Variants in LGR4 observed in about 807,000 individuals in gnomAD.
LGR4 encodes leucine rich repeat containing G protein-coupled receptor 4, also known as leucine-rich repeat-containing G protein-coupled receptor 4.
Under a neutral mutation model 84.8 loss-of-function variants are expected in LGR4, and 44 were observed. The ratio of observed to expected loss-of-function variants is 0.52; its 90% CI spans 0.41 to 0.67. The LOEUF (loss-of-function observed/expected upper bound fraction) is 0.67, where lower values mean the gene tolerates loss of function less well. Among genes scored for constraint, LGR4 ranks in the 30% least tolerant of loss-of-function variants. The probability of loss-of-function intolerance (pLI) is 0.00; values close to 1 mark genes in which losing one functional copy is unlikely to be tolerated. For missense variants in LGR4, 1,032 were observed against 1,131.4 expected, an observed-to-expected ratio of 0.91 and a Z score of 1.26; for synonymous variants, 429 against 434.3, an observed-to-expected ratio of 0.99 and a Z score of 0.15.
Position 27,385,239 on chromosome 11 carries a change from G to C in LGR4, c.617+14C>G, listed in dbSNP as rs1199900003. On this transcript the variant is annotated intron_variant, in intron 5 of 17. Transcript: ENST00000379214. ...TAACACAAATATATGGAATTAAAAG[G>C]GATAGATACTTACAGAACTACCAGG... is the stretch of plus-strand genomic sequence containing the variant. 1 of 1,500,618 alleles carries C rather than the reference G, an allele frequency of 6.7e-7. No homozygotes were observed. The highest frequency in any genetic ancestry group is 1.3e-5 in the South Asian group (1 of 76,864). The allele number at this position is 1,500,618 out of a possible 1,614,324, so 93.0% of individuals were successfully genotyped here. A position where few individuals can be genotyped will look rare whatever the true frequency, so the allele number is the denominator to read the frequency against.
intron 1 of LGR4, among the ~76,000 whole-genome samples, chr11:27,428,827 G>A (rs1864068874): frequency 6.6e-6 from 1 of 152,142 alleles, no homozygotes; most frequent in African/African-American, 2.4e-5. Flanking sequence ...GGATCCTCCT[G>A]CTTTGGCCTC....
chr11:27,383,536 T>C (rs1349050075), intron 6 of LGR4, among the ~76,000 whole-genome samples: 3 of 152,288 alleles, frequency 2.0e-5, no homozygotes, highest in African/African-American at 7.2e-5. Flanking sequence ...CTAATTTAGA[T>C]AGAAAAGTGA....
intron 12 of LGR4, 106 bp from the exon 13 acceptor site, chr11:27,376,476 A>G: frequency 1.9e-6 from 1 of 519,410 alleles, no homozygotes; most frequent in South Asian, 3.9e-5. Flanking sequence ...GTTACTTTCT[A>G]TTTTGAAAAA....
chr11:27,445,736 A>G (rs893268527), intron 1 of LGR4, among the ~76,000 whole-genome samples: 4 of 152,130 alleles, frequency 2.6e-5, no homozygotes, highest in African/African-American at 9.7e-5. Context: ...AAATTTTTCA[A>G]GCCTGGTGGT....
chr11:27,430,425 T>C (rs990861900), intron 1 of LGR4, among the ~76,000 whole-genome samples: 16 of 152,198 alleles, frequency 1.1e-4, no homozygotes, highest in Non-Finnish European at 8.8e-5. Flanking sequence ...TTCAGGGGAA[T>C]GGAGGAGGTG....
At chr11:27,434,068 G>C (rs1423545311) in intron 1 of LGR4, among the ~76,000 whole-genome samples, 1 of 152,210 alleles carries the variant, frequency 6.6e-6, no homozygotes, top group African/African-American at 2.4e-5. Context: ...TAAAACCACA[G>C]AGCCTTCTGG....
rs368844445 is a variant in LGR4, at chr11:27,463,273, T to A, written c.185+8845A>T. 1.5e-4 allele frequency among the ~76,000 whole-genome samples: 22 copies of A among 150,088 alleles called. 2 individuals are homozygous for A. In the South Asian group the frequency reaches 4.3e-3, roughly 29 times the overall value. ...TCTCAAAAATAAAAAGACTGGGGAG[T>A]TGATAGTAACATAAAAAGCTAGATG... is the stretch of plus-strand genomic sequence containing the variant. On this transcript the variant is annotated intron_variant, in intron 1 of 17. Coordinates refer to ENST00000379214, the MANE Select transcript of LGR4 (RefSeq NM_018490.5).
At chr11:27,379,788 A>C (rs1483544111) in intron 10 of LGR4, among the ~76,000 whole-genome samples, 1 of 152,168 alleles carries the variant, frequency 6.6e-6, no homozygotes, top group Non-Finnish European at 1.5e-5. Context: ...CAATTCTCCG[A>C]TTTCTCCATA....
chr11:27,429,094 T>C (rs1222438985), intron 1 of LGR4, among the ~76,000 whole-genome samples: 1 of 151,906 alleles, frequency 6.6e-6, no homozygotes, highest in East Asian at 1.9e-4. Flanking sequence ...ACACGGAGCA[T>C]TAAAACTGCA....
chr11:27,374,584 T>A (rs117937443), intron 13 of LGR4, among the ~76,000 whole-genome samples: 2,280 of 152,254 alleles, frequency 0.015, 26 homozygotes, highest in Non-Finnish European at 0.025. Flanking sequence ...GAACACACCC[T>A]GAGAAATTCT....
intron 1 of LGR4, among the ~76,000 whole-genome samples, chr11:27,464,119 G>A (rs1864735386): frequency 6.6e-6 from 1 of 152,180 alleles, no homozygotes; most frequent in South Asian, 2.1e-4. Context: ...AAGAGTTCCT[G>A]TTAAGTTACT....
intron 1 of LGR4, among the ~76,000 whole-genome samples, chr11:27,424,716 A>G (rs1863988351): frequency 6.6e-6 from 1 of 152,062 alleles, no homozygotes; most frequent in African/African-American, 2.4e-5. Context: ...ACCCGACCTG[A>G]TCATGTTTGT....
intron 6 of LGR4, 106 bp from the exon 7 acceptor site, chr11:27,382,362 G>C: frequency 1.5e-6 from 1 of 689,566 alleles, no homozygotes; most frequent in Non-Finnish European, 2.5e-6. Flanking sequence ...CCTCTGTATG[G>C]TAATCTTTCT....
intron 1 of LGR4, among the ~76,000 whole-genome samples, chr11:27,435,765 G>A (rs1042844946): frequency 1.3e-5 from 2 of 151,884 alleles, no homozygotes; most frequent in Non-Finnish European, 2.9e-5. Context: ...TGTGATTACA[G>A]GTATAAGCAA....
chr11:27,422,380 C>T (rs189145640), intron 1 of LGR4, among the ~76,000 whole-genome samples: 3 of 152,132 alleles, frequency 2.0e-5, no homozygotes, highest in Non-Finnish European at 2.9e-5. Flanking sequence ...TGTTTAGACG[C>T]GTATTTTTTA....
intron 2 of LGR4, among the ~76,000 whole-genome samples, chr11:27,397,310 A>G (rs1267420621): frequency 6.6e-6 from 1 of 152,162 alleles, no homozygotes; most frequent in Non-Finnish European, 1.5e-5. Flanking sequence ...CGGGTACCTT[A>G]GACAAAGCTA....
chr11:27,419,351 A>T (rs1036156402), intron 1 of LGR4, among the ~76,000 whole-genome samples: 1 of 151,902 alleles, frequency 6.6e-6, no homozygotes, highest in African/African-American at 2.4e-5. Context: ...AAATCAGACC[A>T]CAATGAGACA....
intron 1 of LGR4, among the ~76,000 whole-genome samples, chr11:27,443,308 C>CCAT (rs1230623119): frequency 2.0e-5 from 3 of 152,164 alleles, no homozygotes; most frequent in Non-Finnish European, 2.9e-5. Flanking sequence ...TACCACTGCA[C>CCAT]GATGGGAAAT....
At chr11:27,441,156 G>A (rs933927743) in intron 1 of LGR4, among the ~76,000 whole-genome samples, 1 of 152,166 alleles carries the variant, frequency 6.6e-6, no homozygotes, top group African/African-American at 2.4e-5. Context: ...CATAGAACTA[G>A]AGAAATATTG....
Sources: allele counts gnomAD v4.1 joint callset (sites outside exome capture counted in the v4.1 genomes callset), GRCh38; gene constraint gnomAD v4.1.1; transcripts MANE v1.5; gene names NCBI Gene and HGNC (gene_info 2026-07-23, HGNC 2026-07-21).